Variants in NDST1 observed in about 807,000 individuals in gnomAD.
NDST1 encodes the protein N-deacetylase and N-sulfotransferase 1, also known as bifunctional heparan sulfate N-deacetylase/N-sulfotransferase 1.
Under a neutral mutation model 92.8 loss-of-function variants are expected in NDST1, and 35 were observed. That is an observed-to-expected ratio of 0.38 (90% confidence interval 0.29 to 0.50). The LOEUF (loss-of-function observed/expected upper bound fraction) is 0.50. Ranked by LOEUF, NDST1 falls within the 20% of genes least tolerant of loss-of-function variation. NDST1 has a pLI of 0.94. For missense variants in NDST1, 822 were observed against 1,182.7 expected (o/e 0.69, Z 4.47); for synonymous variants, 493 against 500.3 (o/e 0.99, Z 0.19).
Position 150,539,151 on chromosome 5 carries a change from C to A in NDST1, c.1438-77C>A, listed in dbSNP as rs572999102. The A allele has an allele frequency of 1.6e-4, 197 of 1,248,726 alleles. No individual in the cohort carries two copies. The Middle Eastern group carries it at 5.6e-3, about 36-fold the overall frequency. 77.4% of individuals were successfully genotyped at this position (1,248,726 alleles called of 1,614,324 possible). Reference sequence around the variant, plus strand: ...CCTTTCTGAGGAGCAGCTGGGCCTTCTTCCTCTGAGGAAGAGTCCTCCCAC... The same window carrying A: ...CCTTTCTGAGGAGCAGCTGGGCCTTATTCCTCTGAGGAAGAGTCCTCCCAC... On this transcript the variant is annotated intron_variant, in intron 6 of 14. Coordinates refer to ENST00000261797, the MANE Select transcript of NDST1 (RefSeq NM_001543.5).
At chr5:150,500,946 A>C (rs1408076850) in intron 1 of NDST1, among the ~76,000 whole-genome samples, 1 of 152,208 alleles carries the variant, frequency 6.6e-6, no homozygotes, top group Admixed American at 6.5e-5. Flanking sequence ...GCAGTGGCAG[A>C]TCATCTAGCT....
intron 13 of NDST1, 98 bp downstream of exon 13, chr5:150,549,885 G>A (rs191310509): frequency 1.3e-6 from 1 of 760,896 alleles, no homozygotes; most frequent in Non-Finnish European, 2.4e-6. Context: ...AGAGAAGTTA[G>A]TTAGAGTCAG....
intron 3 of NDST1, among the ~76,000 whole-genome samples, chr5:150,531,321 C>T (rs2151283289): frequency 6.6e-6 from 1 of 152,198 alleles, no homozygotes; most frequent in East Asian, 1.9e-4. Context: ...GGCACTGAGG[C>T]TCAGGGAGTT....
In NDST1 at chr5:150,557,392, C is replaced by T. The variant is rs371377064; in HGVS notation, c.*4060C>T. 1 of 152,790 alleles carries T rather than the reference C, an allele frequency of 6.5e-6. No individual in the cohort carries two copies. Among genetic ancestry groups the T allele is most frequent in the East Asian group, 1.9e-4 (1 of 5,186 alleles). 9.5% of individuals were successfully genotyped at this position (152,790 alleles called of 1,614,324 possible). On this transcript the variant is annotated 3_prime_UTR_variant, in exon 15 of 15. Coordinates refer to ENST00000261797, the MANE Select transcript of NDST1 (RefSeq NM_001543.5). The surrounding 1 kb of genome is among the most constrained non-coding windows in gnomAD (Gnocchi z 4.7). ...TTCCTGGAGACCCGTGGTCTGTGTGCACTGGAGCAGAGCCAGGCTCTCAGT... is the reference window on the plus strand; with the variant it reads ...TTCCTGGAGACCCGTGGTCTGTGTGTACTGGAGCAGAGCCAGGCTCTCAGT...
chr5:150,500,874 A>T (rs1753198518), intron 1 of NDST1, among the ~76,000 whole-genome samples: 1 of 152,036 alleles, frequency 6.6e-6, no homozygotes, highest in Admixed American at 6.6e-5. Context: ...CTGGGCTGGG[A>T]CCCCAGGTCT....
intron 1 of NDST1, among the ~76,000 whole-genome samples, chr5:150,512,910 C>A (rs575487242): frequency 2.6e-3 from 396 of 152,342 alleles, no homozygotes; most frequent in Non-Finnish European, 3.7e-3. Context: ...AACATTCAAG[C>A]CCCAGCTGGG....
At chr5:150,544,101 CCA>C (rs1755374055) in intron 10 of NDST1, among the ~76,000 whole-genome samples, 2 of 152,176 alleles carry the variant, frequency 1.3e-5, no homozygotes, top group African/African-American at 2.4e-5. Flanking sequence ...TCTAACATCT[CCA>C]CAGTCTCTTG....
intron 8 of NDST1, 45 bp from the exon 9 acceptor site, chr5:150,541,525 C>G: frequency 6.4e-7 from 1 of 1,564,644 alleles, no homozygotes. Context: ...AGTCCACTGA[C>G]TGGGTTCTGG....
At chr5:150,535,959 C>T (rs1754965413) in intron 6 of NDST1, 74 bp downstream of exon 6, 3 of 1,515,786 alleles carry the variant, frequency 2.0e-6, no homozygotes, top group Non-Finnish European at 2.7e-6. Context: ...CATACGCTGT[C>T]CTGGTAAGCA....
At chr5:150,540,531 G>T (rs1755200024) in intron 8 of NDST1, among the ~76,000 whole-genome samples, 1 of 152,144 alleles carries the variant, frequency 6.6e-6, no homozygotes, top group Non-Finnish European at 1.5e-5. Flanking sequence ...AAAAAAACGA[G>T]TGGGCTGGAC....
chr5:150,539,117 TG>T, intron 6 of NDST1, 110 bp from the exon 7 acceptor site: 1 of 893,572 alleles, frequency 1.1e-6, no homozygotes, highest in Non-Finnish European at 1.9e-6. Flanking sequence ...TGCGACCACA[TG>T]GAGACTGCCT....
At chr5:150,537,989 G>T (rs1413877310) in intron 6 of NDST1, among the ~76,000 whole-genome samples, 1 of 152,236 alleles carries the variant, frequency 6.6e-6, no homozygotes. Flanking sequence ...ATGGTGATGA[G>T]TGCCACGGAC....
chr5:150,550,310 C>G (rs1411763237), intron 13 of NDST1: 2 of 169,856 alleles, frequency 1.2e-5, no homozygotes, highest in Non-Finnish European at 2.5e-5. Flanking sequence ...CCATGTTGCT[C>G]AGCCTGGTCT....
At chr5:150,539,069 A>G (rs1290380475) in intron 6 of NDST1, among the ~76,000 whole-genome samples, 159 bp from the exon 7 acceptor site, 1 of 152,094 alleles carries the variant, frequency 6.6e-6, no homozygotes, top group Non-Finnish European at 1.5e-5. Flanking sequence ...CACTGGGGGG[A>G]ACGCTGTGCT....
intron 14 of NDST1, among the ~76,000 whole-genome samples, chr5:150,552,213 G>A (rs1755755177): frequency 6.6e-6 from 1 of 152,100 alleles, no homozygotes; most frequent in Non-Finnish European, 1.5e-5. Flanking sequence ...GGGCACACAA[G>A]TGCTATGGGA....
chr5:150,510,568 C>T (rs1051721656), intron 1 of NDST1, among the ~76,000 whole-genome samples: 6 of 152,246 alleles, frequency 3.9e-5, no homozygotes, highest in Admixed American at 2.0e-4. Flanking sequence ...CACAGCCCCA[C>T]CCCCAGGCTG....
At position 150,521,857 on chromosome 5, in the gene NDST1, G is replaced by T. The variant is rs956083319; in HGVS notation, c.513+90G>T. 7.1e-6 allele frequency: 11 copies of T among 1,543,062 alleles called. No individual in the cohort carries two copies. The highest frequency in any genetic ancestry group is 9.7e-6 in the Non-Finnish European group (11 of 1,130,420). ...CATTTGTGAAATAGGTGTAATGGTA[G>T]CACCCGCCTCCTGGGGTTGTTGGGA... On this transcript the variant is annotated intron_variant, in intron 2 of 14. Transcript: ENST00000261797. This position sits in a 1 kb window ranked among gnomAD's most constrained non-coding sequence, Gnocchi z 5.9.
At chr5:150,519,655 A>G (rs1754150057) in intron 1 of NDST1, among the ~76,000 whole-genome samples, 1 of 152,014 alleles carries the variant, frequency 6.6e-6, no homozygotes, top group African/African-American at 2.4e-5. Flanking sequence ...ACCATTGTCT[A>G]GCCTGGGCAA....
intron 13 of NDST1, 121 bp from the exon 14 acceptor site, chr5:150,551,632 G>T: frequency 7.9e-7 from 1 of 1,261,278 alleles, no homozygotes; most frequent in Non-Finnish European, 1.1e-6. Context: ...GACAGTCCAT[G>T]TGGGTTCAAG....
Sources: gnomAD v4.1 joint callset for allele counts (sites outside exome capture counted in the v4.1 genomes callset) on GRCh38, gnomAD v4.1.1 for gene constraint, Gnocchi (gnomAD v3.1) non-coding constraint, MANE v1.5 for transcripts, NCBI Gene and HGNC (gene_info 2026-07-23, HGNC 2026-07-21) for gene names.